Variants in EFCAB6 observed in about 807,000 individuals in gnomAD.
EFCAB6 encodes EF-hand calcium binding domain 6.
Under a neutral mutation model 169.8 loss-of-function variants are expected in EFCAB6, and 156 were observed. The ratio of observed to expected loss-of-function variants is 0.92; its 90% CI spans 0.81 to 1.05. The LOEUF is 1.05. Among genes scored for constraint, EFCAB6 ranks in the 50% least tolerant of loss-of-function variants. EFCAB6 has a pLI of 0.00. For synonymous variants in EFCAB6, 698 were observed against 676.4 expected, an observed-to-expected ratio of 1.03 and a Z score of -0.50; for missense variants, 1,800 against 1,829.1, an observed-to-expected ratio of 0.98 and a Z score of 0.29.
chr22:43,537,417 G>A lies in EFCAB6; in HGVS notation c.4008C>T (p.Asp1336=), dbSNP rs771450256. 23 of 1,613,944 alleles carry A rather than the reference G, an allele frequency of 1.4e-5. No homozygotes were observed. The East Asian group carries it at 2.0e-4, about 14-fold the overall frequency. ...RQLLKECKEK[D]VARQGDINAS... Reference sequence around the variant, plus strand: ...CGTTGATGTCCCCCTGTCTGGCCACGTCCTTCTCCTTGCATTCTTTCAGGA... The same window carrying A: ...CGTTGATGTCCCCCTGTCTGGCCACATCCTTCTCCTTGCATTCTTTCAGGA... The change falls in exon 29 of 32, where the codon GAC becomes GAT. Residue 1336 remains aspartate, a synonymous_variant. Transcript: ENST00000262726. The surrounding 1 kb of genome is among the most constrained non-coding windows in gnomAD (Gnocchi z 4.3).
intron 19 of EFCAB6, 26 bp downstream of exon 19, chr22:43,632,079 C>T: frequency 6.2e-7 from 1 of 1,610,858 alleles, no homozygotes; most frequent in Non-Finnish European, 8.5e-7. Context: ...CCTAGAGAAG[C>T]CCAGCGCCAG....
At chr22:43,719,186 G>T (rs531439296) in intron 8 of EFCAB6, among the ~76,000 whole-genome samples, 2 of 152,248 alleles carry the variant, frequency 1.3e-5, no homozygotes, top group South Asian at 2.1e-4. Context: ...GACAGCACTC[G>T]GTACGGTGTA....
chr22:43,622,562 A>AT (rs2054185684), intron 20 of EFCAB6, among the ~76,000 whole-genome samples: 2 of 152,328 alleles, frequency 1.3e-5, no homozygotes, highest in Non-Finnish European at 2.9e-5. Flanking sequence ...GCGAAACTCC[A>AT]TCTCAAAACA....
intron 20 of EFCAB6, among the ~76,000 whole-genome samples, chr22:43,619,078 G>A (rs2053948564): frequency 6.6e-6 from 1 of 152,166 alleles, no homozygotes; most frequent in African/African-American, 2.4e-5. Flanking sequence ...GAGAGAGCTA[G>A]AAGAAAGGAC....
intron 1 of EFCAB6, among the ~76,000 whole-genome samples, chr22:43,811,754 C>A (rs989092164): frequency 6.6e-6 from 1 of 152,142 alleles, no homozygotes; most frequent in African/African-American, 2.4e-5. Flanking sequence ...AGGAGGGAGT[C>A]AATCATGACA....
At chr22:43,686,806 T>G (rs1044157824) in intron 11 of EFCAB6, among the ~76,000 whole-genome samples, 2 of 152,160 alleles carry the variant, frequency 1.3e-5, no homozygotes, top group African/African-American at 4.8e-5. Flanking sequence ...GTTTTTTTCT[T>G]TAAGATTCAT....
chr22:43,747,834 T>G (rs2060620262), intron 6 of EFCAB6, among the ~76,000 whole-genome samples: 1 of 152,162 alleles, frequency 6.6e-6, no homozygotes, highest in South Asian at 2.1e-4. Context: ...GACTTTCTCT[T>G]ACAAAGTCTT....
In EFCAB6 at chr22:43,746,031, A is replaced by G. The variant is rs1200328598; in HGVS notation, c.507+9735T>C. Among the ~76,000 whole-genome samples the G allele has an allele frequency of 2.0e-5, 3 of 152,160 alleles. 1 individual carries two copies. Among genetic ancestry groups the G allele is most frequent in the Non-Finnish European group, 4.4e-5 (3 of 68,034 alleles). ...TGGCTTCCTACCGTGAACATTTCCT[A>G]TTTACCAGCTGGTAGAGATGCGCCA... On this transcript the variant is annotated intron_variant, in intron 6 of 31. Coordinates refer to ENST00000262726, the MANE Select transcript of EFCAB6 (RefSeq NM_022785.4).
At position 43,719,806 on chromosome 22, in the gene EFCAB6, A is replaced by G. The variant is rs966468985; in HGVS notation, c.758-2834T>C. ...TTGCCTGGCACTTGGTAGATACTCA[A>G]TAGGTATTAGCTACGTATTGATTCA... is the stretch of plus-strand genomic sequence containing the variant. On this transcript the variant is annotated intron_variant, in intron 8 of 31. Transcript: ENST00000262726. Among the ~76,000 whole-genome samples, 25 of 152,348 alleles carry G rather than the reference A, an allele frequency of 1.6e-4. No homozygotes were observed. In the East Asian group the frequency reaches 4.2e-3, roughly 26 times the overall value.
intron 27 of EFCAB6, 196 bp from the exon 28 acceptor site, chr22:43,540,553 C>A (rs1569127249): frequency 1.3e-6 from 2 of 1,519,420 alleles, no homozygotes; most frequent in South Asian, 2.4e-5. Flanking sequence ...TCTGGAAAAG[C>A]AAAGACAAGA....
chr22:43,601,380 C>A (rs965550417), intron 22 of EFCAB6, among the ~76,000 whole-genome samples: 2 of 152,234 alleles, frequency 1.3e-5, no homozygotes, highest in Non-Finnish European at 2.9e-5. Flanking sequence ...TGGTCCTCAT[C>A]TAATCGATAA....
chr22:43,750,263 T>A (rs1260451212), intron 6 of EFCAB6, among the ~76,000 whole-genome samples: 1 of 152,232 alleles, frequency 6.6e-6, no homozygotes, highest in Non-Finnish European at 1.5e-5. Context: ...CTCAATATAA[T>A]TTTTTAATAA....
At chr22:43,656,108 G>GGGCC (rs1457366168) in intron 17 of EFCAB6, among the ~76,000 whole-genome samples, 1 of 152,106 alleles carries the variant, frequency 6.6e-6, no homozygotes, top group Non-Finnish European at 1.5e-5. Flanking sequence ...ATGTGGTAAG[G>GGGCC]GGCCGGGTGC....
In EFCAB6 at chr22:43,623,026, A is replaced by G. The variant is rs377182231; in HGVS notation, c.2465+3421T>C. ...ATTTGAGAAAGGAAGAGATTTCACA[A>G]TGATGAGATGATTCAGAAGAGGAAG... On this transcript the variant is annotated intron_variant, in intron 20 of 31. Coordinates refer to ENST00000262726, the MANE Select transcript of EFCAB6 (RefSeq NM_022785.4). Among the ~76,000 whole-genome samples the G allele has an allele frequency of 3.0e-4, 45 of 152,380 alleles. No homozygotes were observed. In the East Asian group the frequency reaches 8.7e-3, roughly 29 times the overall value.
rs920191374 is a variant in EFCAB6 at position 43,572,375 on chromosome 22, G to C, written c.3420+3922C>G. Among the ~76,000 whole-genome samples, 5 of 152,206 alleles carry C rather than the reference G, an allele frequency of 3.3e-5. No individual in the cohort carries two copies. Among genetic ancestry groups the C allele is most frequent in the Admixed American group, 2.0e-4 (3 of 15,282 alleles). ...CATGAGGACACTCAGGCCTCGCTGAGGGGGGACAGCAGACATGGAGCTTCA... is the reference window on the plus strand; with the variant it reads ...CATGAGGACACTCAGGCCTCGCTGACGGGGGACAGCAGACATGGAGCTTCA... On this transcript the variant is annotated intron_variant, in intron 26 of 31. Transcript: ENST00000262726. This position sits in a 1 kb window ranked among gnomAD's most constrained non-coding sequence, Gnocchi z 4.0.
chr22:43,562,203 C>T (rs935651922), intron 26 of EFCAB6, among the ~76,000 whole-genome samples: 1 of 152,130 alleles, frequency 6.6e-6, no homozygotes, highest in Non-Finnish European at 1.5e-5. Context: ...AAACAATTGC[C>T]CTTCTAGATG....
At chr22:43,630,501 A>T (rs2054862338) in intron 19 of EFCAB6, among the ~76,000 whole-genome samples, 1 of 152,232 alleles carries the variant, frequency 6.6e-6, no homozygotes, top group African/African-American at 2.4e-5. Context: ...CACGGCCTCC[A>T]CTGGGAGACG....
At chr22:43,705,015 C>T (rs2058903690) in intron 10 of EFCAB6, among the ~76,000 whole-genome samples, 1 of 151,748 alleles carries the variant, frequency 6.6e-6, no homozygotes, top group African/African-American at 2.4e-5. Context: ...CATACATAGA[C>T]TGAAAGTAAA....
intron 13 of EFCAB6, among the ~76,000 whole-genome samples, chr22:43,673,260 C>T (rs185648619): frequency 6.6e-6 from 1 of 152,204 alleles, no homozygotes; most frequent in East Asian, 1.9e-4. Context: ...CCTTTGCATT[C>T]TGTACTTTAT....
Sources: gnomAD v4.1 joint callset for allele counts (sites outside exome capture counted in the v4.1 genomes callset) on GRCh38, gnomAD v4.1.1 for gene constraint, Gnocchi (gnomAD v3.1) non-coding constraint, MANE v1.5 for transcripts, NCBI Gene and HGNC (gene_info 2026-07-23, HGNC 2026-07-21) for gene names.